EXOC3: variants seen among roughly 807,000 people sequenced by gnomAD.
EXOC3 encodes exocyst complex component 3.
EXOC3 carries 21 observed loss-of-function variants against 73.7 expected under a neutral mutation model. The observed-to-expected ratio is 0.29, with a 90% confidence interval of 0.20 to 0.41. The LOEUF (loss-of-function observed/expected upper bound fraction) is 0.41. EXOC3 is among the 10% of genes least tolerant of loss of function. EXOC3 has a pLI of 1.00. For synonymous variants in EXOC3, 410 were observed against 389.1 expected, an observed-to-expected ratio of 1.05 and a Z score of -0.63; for missense variants, 842 against 985.1, an observed-to-expected ratio of 0.85 and a Z score of 1.95.
intron 1 of EXOC3, among the ~76,000 whole-genome samples, chr5:444,767 G>A (rs1250276727): frequency 1.3e-5 from 2 of 151,988 alleles, no homozygotes; most frequent in Non-Finnish European, 2.9e-5. Flanking sequence ...GATATAGCGG[G>A]GGTTACCCCT....
chr5:465,607 G>A, intron 11 of EXOC3, 111 bp from the exon 12 acceptor site: 26 of 1,355,090 alleles, frequency 1.9e-5, no homozygotes, highest in Non-Finnish European at 2.4e-5. Flanking sequence ...ATCCTGAGGA[G>A]TCAGGTGAAG....
intron 5 of EXOC3, 100 bp downstream of exon 5, chr5:457,106 T>C (rs374968854): frequency 2.8e-4 from 225 of 802,574 alleles, no homozygotes; most frequent in Middle Eastern, 2.1e-3. Flanking sequence ...TGCCTTAGCG[T>C]TGACTTCCTA....
At chr5:456,384 G>A (rs1452989570) in intron 4 of EXOC3, among the ~76,000 whole-genome samples, 1 of 94,364 alleles carries the variant, frequency 1.1e-5, no homozygotes, top group Non-Finnish European at 2.1e-5. Context: ...TGGACGTGGC[G>A]CCCGTGGCTG....
intron 3 of EXOC3, among the ~76,000 whole-genome samples, chr5:451,216 C>T (rs766268519): frequency 6.6e-6 from 1 of 152,010 alleles, no homozygotes; most frequent in African/African-American, 2.4e-5. Flanking sequence ...TAGCTGTTTT[C>T]TTTGTGCCTA....
At chr5:456,214 C>T (rs1205218946) in intron 4 of EXOC3, among the ~76,000 whole-genome samples, 2 of 152,170 alleles carry the variant, frequency 1.3e-5, no homozygotes, top group East Asian at 3.8e-4. Flanking sequence ...ACGTAACCTG[C>T]GTACATTCTC....
At chr5:465,310 C>G (rs756501182) in intron 11 of EXOC3, 38 bp downstream of exon 11, 10 of 1,552,024 alleles carry the variant, frequency 6.4e-6, no homozygotes, top group African/African-American at 1.4e-5. Context: ...GAAGGCCTGT[C>G]GCTCCGCGGC....
chr5:449,155 C>T (rs537359639), intron 3 of EXOC3, among the ~76,000 whole-genome samples: 8 of 152,340 alleles, frequency 5.3e-5, no homozygotes, highest in Admixed American at 3.3e-4. Context: ...AACAAATGAG[C>T]CTGCGTGGTA....
intron 10 of EXOC3, 187 bp from the exon 11 acceptor site, chr5:464,924 C>G: frequency 1.5e-6 from 1 of 645,902 alleles, no homozygotes; most frequent in East Asian, 2.8e-5. Flanking sequence ...GTCCAGGTCA[C>G]CGTCACTGTT....
Position 446,362 on chromosome 5 carries a change from G to A in EXOC3, c.144+13G>A. On this transcript the variant is annotated intron_variant, in intron 2 of 12. Coordinates refer to ENST00000512944, the MANE Select transcript of EXOC3 (RefSeq NM_007277.5). ...GGCCAGATTGAAGGTGAGGCCACCT[G>A]CCCCACTCCCAGGATCTGTCTTGGG... is the stretch of plus-strand genomic sequence containing the variant. The A allele has an allele frequency of 6.3e-7, 1 of 1,582,312 alleles. No homozygotes were observed. The highest frequency in any genetic ancestry group is 8.6e-7 in the Non-Finnish European group (1 of 1,165,446).
intron 3 of EXOC3, among the ~76,000 whole-genome samples, 185 bp from the exon 4 acceptor site, chr5:453,185 C>G (rs1737704704): frequency 6.6e-6 from 1 of 152,192 alleles, no homozygotes; most frequent in African/African-American, 2.4e-5. Flanking sequence ...CCACAGTTTA[C>G]CATTTATGCC....
chr5:462,232 C>A lies in EXOC3; in HGVS notation c.1578C>A (p.Ser526Arg). The change falls in exon 9 of 13, where the codon AGC becomes AGA. Residue 526 changes from serine to arginine, a missense_variant. Physicochemically the swap from Ser to Arg is moderately radical, Grantham distance 110. Coordinates refer to ENST00000512944, the MANE Select transcript of EXOC3 (RefSeq NM_007277.5). ...VEEGVSPSQP[S>R]MDGILDAIAK... ...AGGGTGTGTCTCCGAGCCAGCCCAG[C>A]ATGGACGGGATTTTAGACGCCATCG... 5.0e-6 allele frequency: 8 copies of A among 1,613,960 alleles called. No homozygotes were observed. Among genetic ancestry groups the A allele is most frequent in the Non-Finnish European group, 6.8e-6 (8 of 1,179,886 alleles).
intron 5 of EXOC3, chr5:457,341 C>T (rs1737852647): frequency 6.0e-6 from 2 of 331,964 alleles, no homozygotes; most frequent in Non-Finnish European, 1.1e-5. Flanking sequence ...TGGGGGGGTC[C>T]GTCAAGGACC....
chr5:444,401 C>T (rs1357768118), intron 1 of EXOC3, among the ~76,000 whole-genome samples: 1 of 152,234 alleles, frequency 6.6e-6, no homozygotes, highest in Non-Finnish European at 1.5e-5. Context: ...TTGGCTTCCA[C>T]CCACAGCGTG....
chr5:464,909 C>T (rs956117343), intron 10 of EXOC3: 7 of 612,598 alleles, frequency 1.1e-5, no homozygotes, highest in East Asian at 5.7e-5. Context: ...TGGCCTGGTG[C>T]GGGGGTCCAG....
chr5:465,951 C>CTGCAGCACGGCAAGGGTTCAGG, intron 12 of EXOC3, 106 bp downstream of exon 12: 4 of 1,317,698 alleles, frequency 3.0e-6, no homozygotes, highest in Non-Finnish European at 4.2e-6. Flanking sequence ...AAGTTCAGCC[C>CTGCAGCACGGCAAGGGTTCAGG]TGCAGCACGG....
Position 466,977 on chromosome 5 carries a change from C to G in EXOC3, c.*79C>G. 13 of 1,381,918 alleles carry G rather than the reference C, an allele frequency of 9.4e-6. No homozygotes were observed. Among genetic ancestry groups the G allele is most frequent in the African/African-American group, 1.4e-5 (1 of 69,772 alleles). The allele number at this position is 1,381,918 out of a possible 1,614,324, so 85.6% of individuals were successfully genotyped here. ...AAACGCGGGACAGCTGATTGCTCTCCTTGGCCACACGTGCTCCTTTTAGCT... is the reference window on the plus strand; with the variant it reads ...AAACGCGGGACAGCTGATTGCTCTCGTTGGCCACACGTGCTCCTTTTAGCT... On this transcript the variant is annotated 3_prime_UTR_variant, in exon 13 of 13. Coordinates refer to ENST00000512944, the MANE Select transcript of EXOC3 (RefSeq NM_007277.5).
chr5:456,780 C>A, intron 4 of EXOC3, 109 bp from the exon 5 acceptor site: 1 of 848,494 alleles, frequency 1.2e-6, no homozygotes, highest in Non-Finnish European at 1.9e-6. Flanking sequence ...ACCAGGAAGT[C>A]TCCAGGGTGG....
At position 459,361 on chromosome 5, in the gene EXOC3, GT is replaced by G; in HGVS notation, c.1296del (p.Phe432LeufsTer11). The G allele has an allele frequency of 6.5e-7, 1 of 1,528,560 alleles. No individual in the cohort carries two copies. The highest frequency in any genetic ancestry group is 8.9e-7 in the Non-Finnish European group (1 of 1,122,352). The allele number at this position is 1,528,560 out of a possible 1,614,324, so 94.7% of individuals were successfully genotyped here. A position where few individuals can be genotyped will look rare whatever the true frequency, so the allele number is the denominator to read the frequency against. On this transcript the variant is annotated frameshift_variant, in exon 7 of 13. Transcript: ENST00000512944. LOFTEE classifies it high-confidence loss of function. ...TTCATAAGTTCTCTGATTTTTAGAT[GT>G]TTGAACAGAATCTTCAAGTTGCTGC... ...TTLPAIVFQMFEQNLQVAAQI... is the reference protein window; with the variant it reads ...TTLPAIVFQMXEQNLQVAAQI...
chr5:464,527 C>A, intron 10 of EXOC3, 115 bp downstream of exon 10: 1 of 1,211,658 alleles, frequency 8.3e-7, no homozygotes, highest in Non-Finnish European at 1.2e-6. Context: ...ACTTGTTGTC[C>A]TATCAGCCCA....
Sources: gnomAD v4.1 joint callset for allele counts (sites outside exome capture counted in the v4.1 genomes callset) on GRCh38, gnomAD v4.1.1 for gene constraint, MANE v1.5 for transcripts, NCBI Gene and HGNC (gene_info 2026-07-23, HGNC 2026-07-21) for gene names.